Variants in ARMC12 observed in about 807,000 individuals in gnomAD.
The protein encoded by ARMC12 is armadillo repeat containing 12.
A neutral mutation model predicts 37.4 loss-of-function variants in ARMC12; 25 were observed. That is an observed-to-expected ratio of 0.67 (90% CI 0.49 to 0.93). ARMC12 has a LOEUF of 0.93. ARMC12 is among the 40% of genes least tolerant of loss of function. The pLI, the probability that ARMC12 is intolerant of heterozygous loss-of-function variation, is 0.00. For synonymous variants in ARMC12, 167 were observed against 176.1 expected (o/e 0.95, Z 0.41); for missense variants, 384 against 426.6 (o/e 0.90, Z 0.88).
At chr6:35,743,510 G>A (rs957757197) in intron 3 of ARMC12, among the ~76,000 whole-genome samples, 30 of 152,138 alleles carry the variant, frequency 2.0e-4, no homozygotes, top group African/African-American at 7.0e-4. Context: ...GAGCCACTGC[G>A]TCCTGCCCGC....
At chr6:35,746,511 A>T (rs1195096254) in intron 3 of ARMC12, among the ~76,000 whole-genome samples, 1 of 152,160 alleles carries the variant, frequency 6.6e-6, no homozygotes, top group Non-Finnish European at 1.5e-5. Context: ...CATGTCTAAC[A>T]TGTCAGCTGC....
At position 35,747,382 on chromosome 6, in the gene ARMC12, G is replaced by A. The variant is rs745404611; in HGVS notation, c.566G>A (p.Arg189Gln). ...GACTATGTGCATCCACAGCTGCGAC[G>A]GGTGATGCCTGCCTTGATGGAGATC... ...LPDYVHPQLR[R>Q]VMPALMEILQ... The change falls in exon 4 of 6, where the codon CGG becomes CAG. Residue 189 changes from arginine to glutamine, a missense_variant. Coordinates refer to ENST00000373866, the MANE Select transcript of ARMC12 (RefSeq NM_001286574.2). 1.1e-5 allele frequency: 18 copies of A among 1,614,052 alleles called. No individual in the cohort carries two copies. In the Admixed American group the frequency reaches 1.7e-4, roughly 15 times the overall value.
At chr6:35,742,496 C>CAAAAAAA (rs760070963) in intron 3 of ARMC12, among the ~76,000 whole-genome samples, 6 of 43,434 alleles carry the variant, frequency 1.4e-4, no homozygotes, top group Admixed American at 3.0e-4. Context: ...GACTCTGTCT[C>CAAAAAAA]AAAAAAAAAA....
At chr6:35,742,327 C>A (rs1198959974) in intron 3 of ARMC12, among the ~76,000 whole-genome samples, 3 of 151,552 alleles carry the variant, frequency 2.0e-5, no homozygotes, top group African/African-American at 7.3e-5. Flanking sequence ...GAAACCCCGT[C>A]TCTACTAAAA....
intron 3 of ARMC12, among the ~76,000 whole-genome samples, chr6:35,739,452 G>A (rs1767099047): frequency 6.6e-6 from 1 of 152,132 alleles, no homozygotes; most frequent in African/African-American, 2.4e-5. Flanking sequence ...CAGGTGCTGG[G>A]GTGATTACCC....
At chr6:35,734,272 G>A (rs1031357057), upstream of ARMC12, among the ~76,000 whole-genome samples, 2 of 152,022 alleles carry the variant, frequency 1.3e-5, no homozygotes, top group Non-Finnish European at 2.9e-5. Context: ...CAATCCTACC[G>A]CCTCAGCCTC....
intron 3 of ARMC12, 92 bp from the exon 4 acceptor site, chr6:35,747,169 G>A: frequency 7.0e-7 from 1 of 1,430,488 alleles, no homozygotes; most frequent in African/African-American, 1.4e-5. Flanking sequence ...TGGCCCAGGG[G>A]ACATCCATGG....
chr6:35,747,145 T>C lies in ARMC12; in HGVS notation c.445-116T>C. The C allele has an allele frequency of 7.1e-6, 8 of 1,130,376 alleles. No homozygotes were observed. In the South Asian group the frequency reaches 1.4e-4, roughly 19 times the overall value. 70.0% of individuals were successfully genotyped at this position (1,130,376 alleles called of 1,614,324 possible). A position where few individuals can be genotyped will look rare whatever the true frequency, so the allele number is the denominator to read the frequency against. On this transcript the variant is annotated intron_variant, in intron 3 of 5. Transcript: ENST00000373866. ...AAATTATGTTGAGAGTTAGGGAGAA[T>C]TGTCTATTGGGTTTGGCCCAGGGGA... is the stretch of plus-strand genomic sequence containing the variant.
intron 3 of ARMC12, among the ~76,000 whole-genome samples, chr6:35,746,112 G>A (rs980155725): frequency 4.7e-4 from 72 of 151,982 alleles, no homozygotes; most frequent in Non-Finnish European, 6.3e-4. Flanking sequence ...TGTGTTACAC[G>A]TGACAATGCT....
chr6:35,737,370 C>G (rs757829446), intron 1 of ARMC12, 99 bp downstream of exon 1: 53 of 1,613,326 alleles, frequency 3.3e-5, no homozygotes, highest in Admixed American at 5.0e-5. Flanking sequence ...CTCCAAGTTC[C>G]TCTTTCCTTT....
chr6:35,737,419 G>A lies in ARMC12; in HGVS notation c.163+148G>A, dbSNP rs983073521. 6.3e-6 allele frequency: 10 copies of A among 1,596,194 alleles called. No homozygotes were observed. The African/African-American group carries it at 1.3e-4, about 21-fold the overall frequency. ...CCATCTTCCTCAAGCCCACCCTGCA[G>A]CGTCCTAGGCAAGGCCCTGCCAGAG... On this transcript the variant is annotated intron_variant, in intron 1 of 5. Coordinates refer to ENST00000373866, the MANE Select transcript of ARMC12 (RefSeq NM_001286574.2).
chr6:35,743,846 G>A (rs1767251296), intron 3 of ARMC12, among the ~76,000 whole-genome samples: 1 of 151,604 alleles, frequency 6.6e-6, no homozygotes, highest in African/African-American at 2.4e-5. Context: ...TCAGGAGGCT[G>A]AGGAAGGAGA....
chr6:35,741,178 T>A (rs1767156514), intron 3 of ARMC12, among the ~76,000 whole-genome samples: 1 of 152,154 alleles, frequency 6.6e-6, no homozygotes, highest in African/African-American at 2.4e-5. Flanking sequence ...ACTTGCCCGT[T>A]GTTAGGCATT....
At position 35,738,094 on chromosome 6, in the gene ARMC12, G is replaced by A. The variant is rs1767031606; in HGVS notation, c.231G>A (p.Leu77=). The A allele has an allele frequency of 1.2e-6, 2 of 1,613,910 alleles. No individual in the cohort carries two copies. The highest frequency in any genetic ancestry group is 1.7e-6 in the Non-Finnish European group (2 of 1,180,048). Residue 77 remains leucine, a synonymous_variant, in exon 2 of 6, where the codon TTG becomes TTA. Coordinates refer to ENST00000373866, the MANE Select transcript of ARMC12 (RefSeq NM_001286574.2). ...SGELRRLLNS[L]ECKQDEYAKS... is the part of the protein sequence containing the mutation. ...AGCTCCGGAGGCTCCTCAACTCTTT[G>A]GAGTGCAAACAGGATGAGTATGCCA...
intron 5 of ARMC12, among the ~76,000 whole-genome samples, chr6:35,748,330 G>C (rs1164814464): frequency 6.6e-6 from 1 of 152,060 alleles, no homozygotes; most frequent in Non-Finnish European, 1.5e-5. Flanking sequence ...AAAATTTCCA[G>C]AATGAATATT....
chr6:35,739,361 T>A (rs1309833362), intron 3 of ARMC12, among the ~76,000 whole-genome samples: 1 of 152,252 alleles, frequency 6.6e-6, no homozygotes, highest in African/African-American at 2.4e-5. Context: ...CGTGATTAAC[T>A]TCTTTTAATT....
chr6:35,742,496 CAAAAAAAAAAAA>C (rs760070963), intron 3 of ARMC12, among the ~76,000 whole-genome samples: 1 of 43,432 alleles, frequency 2.3e-5, no homozygotes, highest in Non-Finnish European at 4.3e-5. Context: ...GACTCTGTCT[CAAAAAAAAAAAA>C]AAAAAAAAAA....
At chr6:35,742,520 A>AG (rs1185156336) in intron 3 of ARMC12, among the ~76,000 whole-genome samples, 1 of 149,660 alleles carries the variant, frequency 6.7e-6, no homozygotes, top group African/African-American at 2.5e-5. Flanking sequence ...AAAAAAAAAA[A>AG]GCCCAGGGAG....
chr6:35,737,761 C>T (rs1348691088), intron 1 of ARMC12, among the ~76,000 whole-genome samples: 10 of 152,194 alleles, frequency 6.6e-5, no homozygotes. Context: ...TGATGAAATA[C>T]TACTTGTTAC....
Sources: allele counts gnomAD v4.1 joint callset (sites outside exome capture counted in the v4.1 genomes callset), GRCh38; gene constraint gnomAD v4.1.1; transcripts MANE v1.5; gene names NCBI Gene and HGNC (gene_info 2026-07-23, HGNC 2026-07-21).